The following PCDHGB4 variants were observed in gnomAD, a reference collection of about 807,000 sequenced individuals.
The protein encoded by PCDHGB4 is protocadherin gamma subfamily B, 4.
PCDHGB4 carries 38 observed loss-of-function variants against 60.5 expected under a neutral mutation model. The ratio of observed to expected loss-of-function variants is 0.63; its 90% confidence interval spans 0.48 to 0.82. The LOEUF (loss-of-function observed/expected upper bound fraction) is 0.82. PCDHGB4 is among the 40% of genes least tolerant of loss of function. PCDHGB4 has a pLI of 0.00. For missense variants in PCDHGB4, 1,109 were observed against 1,209.6 expected, an observed-to-expected ratio of 0.92 and a Z score of 1.23; for synonymous variants, 456 against 509.7, an observed-to-expected ratio of 0.89 and a Z score of 1.42.
chr5:141,508,901 C>T (rs1466455227), intron 3 of PCDHGB4, among the ~76,000 whole-genome samples: 1 of 151,946 alleles, frequency 6.6e-6, no homozygotes, highest in South Asian at 2.1e-4. Flanking sequence ...GGGGGCGGGG[C>T]GGTGGCGGAT....
intron 1 of PCDHGB4, chr5:141,478,489 C>G (rs779457709): frequency 5.6e-6 from 9 of 1,613,162 alleles, no homozygotes; most frequent in Middle Eastern, 1.6e-4. Flanking sequence ...CGCTGCGGAG[C>G]TGTGATCCGG....
intron 1 of PCDHGB4, among the ~76,000 whole-genome samples, chr5:141,492,095 CT>C (rs1047956109): frequency 6.6e-6 from 1 of 152,232 alleles, no homozygotes; most frequent in African/African-American, 2.4e-5. Context: ...CTTCGCCGGT[CT>C]GTAGATTTCC....
chr5:141,496,338 G>A (rs1011495959), intron 2 of PCDHGB4, among the ~76,000 whole-genome samples: 5 of 152,230 alleles, frequency 3.3e-5, no homozygotes, highest in African/African-American at 9.6e-5. Flanking sequence ...TCAGGAGCCT[G>A]GAGGAGTCTC....
intron 1 of PCDHGB4, among the ~76,000 whole-genome samples, chr5:141,437,926 T>C (rs1374182368): frequency 2.6e-5 from 4 of 152,058 alleles, no homozygotes; most frequent in Admixed American, 1.3e-4. Context: ...TTAGTAGAGA[T>C]GGGGTTTCAC....
chr5:141,408,789 T>C, intron 1 of PCDHGB4: 1 of 1,612,724 alleles, frequency 6.2e-7, no homozygotes, highest in Non-Finnish European at 8.5e-7. Context: ...GAGTTATCTC[T>C]GGAGAAACTC....
rs147674746 is a variant in PCDHGB4, at chr5:141,477,348, C to G, written c.2398-17459C>G. 7 of 1,614,180 alleles carry G rather than the reference C, an allele frequency of 4.3e-6. No individual in the cohort carries two copies. Among genetic ancestry groups the G allele is most frequent in the Non-Finnish European group, 5.9e-6 (7 of 1,180,030 alleles). ...CTCAAGAATTACTTCACTTTGAAAA[C>G]CAGTGCAGACCTGGATCGGGAGACT... is the stretch of plus-strand genomic sequence containing the variant. On this transcript the variant is annotated intron_variant, in intron 1 of 3. Transcript: ENST00000519479. The surrounding 1 kb of genome is among the most constrained non-coding windows in gnomAD (Gnocchi z 4.9).
chr5:141,435,059 G>A (rs2097741198), intron 1 of PCDHGB4, among the ~76,000 whole-genome samples: 1 of 152,042 alleles, frequency 6.6e-6, no homozygotes, highest in Non-Finnish European at 1.5e-5. Context: ...CCATGCAGCA[G>A]TTTTGTGTAG....
In PCDHGB4 at chr5:141,485,013, C is replaced by A. The variant is rs551059588; in HGVS notation, c.2398-9794C>A. ...GTGAAAGGCAGACAAATCTACCCCG[C>A]CACCAGCAAAAACGGCGCGTAACCC... On this transcript the variant is annotated intron_variant, in intron 1 of 3. Coordinates refer to ENST00000519479, the MANE Select transcript of PCDHGB4 (RefSeq NM_003736.4). This position sits in a 1 kb window ranked among gnomAD's most constrained non-coding sequence, Gnocchi z 5.7. The A allele has an allele frequency of 6.3e-6, 4 of 634,556 alleles. No homozygotes were observed. Among genetic ancestry groups the A allele is most frequent in the South Asian group, 3.9e-5 (2 of 51,594 alleles). The allele number at this position is 634,556 out of a possible 1,614,324, so 39.3% of individuals were successfully genotyped here. A position where few individuals can be genotyped will look rare whatever the true frequency, so the allele number is the denominator to read the frequency against.
intron 1 of PCDHGB4, among the ~76,000 whole-genome samples, chr5:141,442,967 G>T (rs553833025): frequency 1.3e-5 from 2 of 152,220 alleles, no homozygotes; most frequent in African/African-American, 2.4e-5. Context: ...AGACATTCTG[G>T]CTGATAAAGT....
At chr5:141,504,450 T>C (rs931613781) in intron 2 of PCDHGB4, among the ~76,000 whole-genome samples, 1 of 151,918 alleles carries the variant, frequency 6.6e-6, no homozygotes, top group Non-Finnish European at 1.5e-5. Context: ...ACTAGTGCCA[T>C]GTGGGGCAGC....
intron 1 of PCDHGB4, among the ~76,000 whole-genome samples, chr5:141,467,571 A>T (rs1228156610): frequency 6.6e-6 from 1 of 152,212 alleles, no homozygotes; most frequent in African/African-American, 2.4e-5. Context: ...ATGGCTATCC[A>T]GTTGTCCCAA....
intron 2 of PCDHGB4, among the ~76,000 whole-genome samples, chr5:141,499,796 C>T (rs2099794539): frequency 6.6e-6 from 1 of 150,412 alleles, no homozygotes; most frequent in South Asian, 2.1e-4. Context: ...AAGCAATTCT[C>T]ATGCTTCAGC....
chr5:141,487,831 A>T lies in PCDHGB4; in HGVS notation c.2398-6976A>T. 2 of 1,144,322 alleles carry T rather than the reference A, an allele frequency of 1.7e-6. No individual in the cohort carries two copies. Among genetic ancestry groups the T allele is most frequent in the Non-Finnish European group, 2.4e-6 (2 of 818,294 alleles). 70.9% of individuals were successfully genotyped at this position (1,144,322 alleles called of 1,614,324 possible). ...TTAGCATTGGGGGCGGGTCATGCCT[A>T]TATCTGAGTAAGAAATGAAAGTAAT... On this transcript the variant is annotated intron_variant, in intron 1 of 3. Transcript: ENST00000519479. The surrounding 1 kb of genome is among the most constrained non-coding windows in gnomAD (Gnocchi z 5.0).
intron 1 of PCDHGB4, chr5:141,399,809 C>A (rs547922730): frequency 1.2e-6 from 2 of 1,613,222 alleles, no homozygotes; most frequent in Admixed American, 1.7e-5. Flanking sequence ...GTGCTGTACC[C>A]CGCGCTGGGT....
intron 1 of PCDHGB4, chr5:141,478,023 A>G (rs2099428714): frequency 6.2e-7 from 1 of 1,614,112 alleles, no homozygotes; most frequent in South Asian, 1.1e-5. Flanking sequence ...CCAGTCCAAG[A>G]CACAGATTCA....
chr5:141,428,368 C>T, intron 1 of PCDHGB4: 1 of 545,002 alleles, frequency 1.8e-6, no homozygotes, highest in Non-Finnish European at 3.4e-6. Context: ...GGTCGCCTTG[C>T]ACCTGCGATG....
At position 141,431,258 on chromosome 5, in the gene PCDHGB4, C is replaced by G. The variant is rs754250241; in HGVS notation, c.2397+40977C>G. 6.2e-6 allele frequency: 10 copies of G among 1,614,186 alleles called. No individual in the cohort carries two copies. The highest frequency in any genetic ancestry group is 1.6e-4 in the Middle Eastern group (1 of 6,062). ...GGATCCGGATATCGGGAAGAACTCT[C>G]TGCAGAGCTACGAGCTCAGCCCGAA... On this transcript the variant is annotated intron_variant, in intron 1 of 3. Transcript: ENST00000519479. This position sits in a 1 kb window ranked among gnomAD's most constrained non-coding sequence, Gnocchi z 4.8.
Position 141,432,405 on chromosome 5 carries a change from GC to G in PCDHGB4, c.2397+42126del. On this transcript the variant is annotated intron_variant, in intron 1 of 3. Coordinates refer to ENST00000519479, the MANE Select transcript of PCDHGB4 (RefSeq NM_003736.4). This position sits in a 1 kb window ranked among gnomAD's most constrained non-coding sequence, Gnocchi z 6.0. ...CCCCTCAGCAGCAACGTGTCGTTGA[GC>G]CTGTTCGTGCTGGACCAGAACGACA... The G allele has an allele frequency of 6.2e-7, 1 of 1,614,246 alleles. No individual in the cohort carries two copies. Among genetic ancestry groups the G allele is most frequent in the South Asian group, 1.1e-5 (1 of 91,084 alleles).
At chr5:141,506,172 TG>T (rs2099850913) in intron 3 of PCDHGB4, among the ~76,000 whole-genome samples, 1 of 152,128 alleles carries the variant, frequency 6.6e-6, no homozygotes, top group South Asian at 2.1e-4. Flanking sequence ...CAGCCTAAGC[TG>T]GGCGTGGTGG....
Sources: allele counts gnomAD v4.1 joint callset (sites outside exome capture counted in the v4.1 genomes callset), GRCh38; gene constraint gnomAD v4.1.1; non-coding constraint Gnocchi (gnomAD v3.1); transcripts MANE v1.5; gene names NCBI Gene and HGNC (gene_info 2026-07-23, HGNC 2026-07-21).